PPM1E: variants seen among roughly 807,000 people sequenced by gnomAD.
The protein encoded by PPM1E is protein phosphatase, Mg2+/Mn2+ dependent 1E.
PPM1E carries 20 observed loss-of-function variants against 65.9 expected under a neutral mutation model. The observed-to-expected ratio is 0.30, with a 90% CI of 0.21 to 0.44. PPM1E has a LOEUF of 0.44. PPM1E is among the 20% of genes least tolerant of loss of function. The probability of loss-of-function intolerance (pLI) is 1.00; values close to 1 mark genes in which losing one functional copy is unlikely to be tolerated. For missense variants in PPM1E, 713 were observed against 953.1 expected (o/e 0.75, Z 3.32); for synonymous variants, 352 against 374.9 (o/e 0.94, Z 0.70).
chr17:58,905,881 G>A (rs1403325714), intron 1 of PPM1E, among the ~76,000 whole-genome samples: 1 of 152,148 alleles, frequency 6.6e-6, no homozygotes, highest in Non-Finnish European at 1.5e-5. Context: ...TTCTGAAAGA[G>A]ACTGTAGAGA....
At chr17:58,932,945 T>G (rs2051921984) in intron 1 of PPM1E, among the ~76,000 whole-genome samples, 2 of 152,282 alleles carry the variant, frequency 1.3e-5, no homozygotes, top group South Asian at 2.1e-4. Context: ...TATACCATAT[T>G]TTTACTGTAC....
intron 1 of PPM1E, among the ~76,000 whole-genome samples, chr17:58,891,127 C>T (rs750528253): frequency 6.6e-6 from 1 of 151,978 alleles, no homozygotes; most frequent in African/African-American, 2.4e-5. Context: ...CCACCACGCC[C>T]AGCTAATTTT....
intron 1 of PPM1E, among the ~76,000 whole-genome samples, chr17:58,944,821 A>G (rs528232961): frequency 1.3e-5 from 2 of 152,252 alleles, no homozygotes; most frequent in East Asian, 3.9e-4. Context: ...TTGTGAATAT[A>G]TGTTTTTATT....
chr17:58,952,066 A>G (rs1378382541), intron 1 of PPM1E, among the ~76,000 whole-genome samples: 1 of 152,084 alleles, frequency 6.6e-6, no homozygotes, highest in African/African-American at 2.4e-5. Flanking sequence ...TGCATTGGCT[A>G]TGGTTCTAGG....
chr17:58,882,472 C>T (rs1228402037), intron 1 of PPM1E, among the ~76,000 whole-genome samples: 1 of 152,010 alleles, frequency 6.6e-6, no homozygotes, highest in Non-Finnish European at 1.5e-5. Context: ...CTCACTGCAA[C>T]GTCTGCTTCC....
At chr17:58,883,515 G>A (rs369844352) in intron 1 of PPM1E, among the ~76,000 whole-genome samples, 1 of 127,240 alleles carries the variant, frequency 7.9e-6, no homozygotes, top group African/African-American at 3.0e-5. Flanking sequence ...ACGGAGTCTC[G>A]CTCTGTCGCC....
chr17:58,773,157 CTT>C (rs992589963), intron 1 of PPM1E, among the ~76,000 whole-genome samples: 1 of 152,022 alleles, frequency 6.6e-6, no homozygotes, highest in Non-Finnish European at 1.5e-5. Flanking sequence ...CACTGTGTGA[CTT>C]TATCTTTTAG....
chr17:58,767,219 T>C lies in PPM1E; in HGVS notation c.464+10758T>C, dbSNP rs187997683. Among the ~76,000 whole-genome samples, 230 of 152,262 alleles carry C rather than the reference T, an allele frequency of 1.5e-3. 1 individual carries two copies. Among genetic ancestry groups the C allele is most frequent in the Non-Finnish European group, 2.5e-3 (167 of 68,036 alleles). The stretch of plus-strand genomic sequence containing the variant: ...AGTGAGACCTCGTTTAGGCATTGTT[T>C]TATATTTATTACCTCTTTTAATCAT... On this transcript the variant is annotated intron_variant, in intron 1 of 6. Transcript: ENST00000308249.
intron 1 of PPM1E, among the ~76,000 whole-genome samples, chr17:58,800,973 G>A (rs1218866140): frequency 6.6e-6 from 1 of 151,888 alleles, no homozygotes; most frequent in Non-Finnish European, 1.5e-5. Context: ...TTTACTCTGG[G>A]TTTACTCTGC....
chr17:58,763,354 C>T (rs1158536051), intron 1 of PPM1E, among the ~76,000 whole-genome samples: 1 of 151,672 alleles, frequency 6.6e-6, no homozygotes, highest in Non-Finnish European at 1.5e-5. Context: ...AGGGCCAGTC[C>T]TTAGAAGTGG....
chr17:58,900,735 G>T (rs1275515289), intron 1 of PPM1E, among the ~76,000 whole-genome samples: 1 of 151,980 alleles, frequency 6.6e-6, no homozygotes. Flanking sequence ...ATGTCATTTT[G>T]TTCCAGTTTG....
chr17:58,910,634 G>C (rs891012224), intron 1 of PPM1E, among the ~76,000 whole-genome samples: 5 of 152,172 alleles, frequency 3.3e-5, no homozygotes, highest in African/African-American at 1.2e-4. Context: ...AAGGTATGTA[G>C]TTAGGGGAAA....
At chr17:58,793,908 A>G (rs1007030281) in intron 1 of PPM1E, among the ~76,000 whole-genome samples, 10 of 151,968 alleles carry the variant, frequency 6.6e-5, no homozygotes, top group Non-Finnish European at 1.0e-4. Flanking sequence ...CAGCAGCGCA[A>G]TCTTGGCTCA....
Position 58,756,115 on chromosome 17 carries a change from G to A in PPM1E, c.118G>A (p.Glu40Lys). 1 of 1,608,222 alleles carries A rather than the reference G, an allele frequency of 6.2e-7. No individual in the cohort carries two copies. The highest frequency in any genetic ancestry group is 8.5e-7 in the Non-Finnish European group (1 of 1,177,178). Residue 40 changes from glutamate (E) to lysine (K), a missense_variant, in exon 1 of 7, where the codon GAA becomes AAA. Physicochemically the swap from Glu to Lys is moderately conservative, Grantham distance 56 (BLOSUM62 1). This residue lies in a region of PPM1E where 212 missense variants were observed against 204.0 expected (regional missense o/e 1.04). Transcript: ENST00000308249. ...GGAGCCGGAACCCGAACCCGAACCCGAACCCGAACCCGAGTCCGAGCCCGA... is the reference window on the plus strand; with the variant it reads ...GGAGCCGGAACCCGAACCCGAACCCAAACCCGAACCCGAGTCCGAGCCCGA... Reference protein sequence around the residue: ...EPEPEPEPEPEPEPESEPEPE... With the variant: ...EPEPEPEPEPKPEPESEPEPE...
Position 58,845,223 on chromosome 17 carries a change from A to G in PPM1E, c.464+88762A>G, listed in dbSNP as rs574429247. ...GTATTTTCAGGAAGGAACCAGGGGT[A>G]ACATATAGCAACCTAGCAAGTGGAT... On this transcript the variant is annotated intron_variant, in intron 1 of 6. Coordinates refer to ENST00000308249, the MANE Select transcript of PPM1E (RefSeq NM_014906.5). 4.6e-5 allele frequency among the ~76,000 whole-genome samples: 7 copies of G among 152,084 alleles called. No homozygotes were observed. In the East Asian group the frequency reaches 1.3e-3, roughly 29 times the overall value.
chr17:58,890,280 C>G (rs983608871), intron 1 of PPM1E, among the ~76,000 whole-genome samples: 20 of 152,006 alleles, frequency 1.3e-4, no homozygotes, highest in Non-Finnish European at 2.1e-4. Context: ...TCATAAGGCA[C>G]CTCATAACCT....
At chr17:58,816,111 C>T (rs1426680124) in intron 1 of PPM1E, among the ~76,000 whole-genome samples, 3 of 152,012 alleles carry the variant, frequency 2.0e-5, no homozygotes, top group Admixed American at 6.6e-5. Flanking sequence ...CTGCAACCTC[C>T]GCCTCCTGGG....
intron 1 of PPM1E, among the ~76,000 whole-genome samples, chr17:58,771,684 G>A (rs1207191714): frequency 1.1e-5 from 1 of 91,662 alleles, no homozygotes; most frequent in Non-Finnish European, 2.3e-5. Context: ...ATTAAAGACA[G>A]TATTCTTTAA....
chr17:58,842,935 G>A (rs1276126707), intron 1 of PPM1E, among the ~76,000 whole-genome samples: 3 of 150,714 alleles, frequency 2.0e-5, no homozygotes, highest in African/African-American at 7.3e-5. Flanking sequence ...CAACATCTCT[G>A]TCTCAAAAAA....
Sources: gnomAD v4.1 joint callset for allele counts (sites outside exome capture counted in the v4.1 genomes callset) on GRCh38, gnomAD v4.1.1 for gene constraint, gnomAD v4.1.1 regional missense constraint, MANE v1.5 for transcripts, NCBI Gene and HGNC (gene_info 2026-07-23, HGNC 2026-07-21) for gene names.